The following JARID2 variants were observed in gnomAD, a reference collection of about 807,000 sequenced individuals.
The protein encoded by JARID2 is jumonji and AT-rich interaction domain containing 2.
JARID2 carries 21 observed loss-of-function variants against 125.6 expected under a neutral mutation model. The ratio of observed to expected loss-of-function variants is 0.17; its 90% confidence interval spans 0.12 to 0.24. The LOEUF is 0.24. Among genes scored for constraint, JARID2 ranks in the 10% least tolerant of loss-of-function variants. JARID2 has a pLI of 1.00. For synonymous variants in JARID2, 736 were observed against 661.6 expected (o/e 1.11, Z -1.73); for missense variants, 1,303 against 1,639.6 (o/e 0.79, Z 3.55).
At chr6:15,268,278 T>G (rs187761329) in intron 1 of JARID2, among the ~76,000 whole-genome samples, 138 of 152,312 alleles carry the variant, frequency 9.1e-4, no homozygotes, top group Non-Finnish European at 1.5e-3. Flanking sequence ...TTGTCAACAG[T>G]GGATATCTTG....
At chr6:15,381,259 G>A (rs942228642) in intron 2 of JARID2, among the ~76,000 whole-genome samples, 2 of 149,188 alleles carry the variant, frequency 1.3e-5, no homozygotes, top group African/African-American at 4.9e-5. Flanking sequence ...GGAGAATGGC[G>A]TGAACCTGGG....
intron 1 of JARID2, among the ~76,000 whole-genome samples, chr6:15,264,827 G>C (rs954838715): frequency 1.3e-5 from 2 of 152,070 alleles, no homozygotes; most frequent in African/African-American, 2.4e-5. Flanking sequence ...TTGCTTATTA[G>C]AGCTAATTTT....
chr6:15,303,473 C>G (rs1435085147), intron 1 of JARID2, among the ~76,000 whole-genome samples: 1 of 152,280 alleles, frequency 6.6e-6, no homozygotes, highest in Admixed American at 6.5e-5. Context: ...CCACTTAACT[C>G]CTGGCCTTCC....
chr6:15,520,225 T>C lies in JARID2; in HGVS notation c.3715T>C (p.Ser1239Pro). Residue 1239 changes from serine (S) to proline (P), a missense_variant, in exon 18 of 18, where the codon TCC becomes CCC. Ser to Pro is a moderately conservative substitution (Grantham distance 74). Around this residue, in one of 11 missense-constraint regions of JARID2, gnomAD observed 75 missense variants for 66.0 expected, o/e 1.14. Coordinates refer to ENST00000341776, the MANE Select transcript of JARID2 (RefSeq NM_004973.4). The part of the protein sequence containing the change: ...PPSRLSASSS[S>P]KSASSSS ...CTCCCGTCTGTCAGCCTCCAGTTCATCCAAAAGTGCTTCGAGCTCATCATG... is the reference window on the plus strand; with the variant it reads ...CTCCCGTCTGTCAGCCTCCAGTTCACCCAAAAGTGCTTCGAGCTCATCATG... 1 of 1,611,182 alleles carries C rather than the reference T, an allele frequency of 6.2e-7. No homozygotes were observed. Among genetic ancestry groups the C allele is most frequent in the South Asian group, 1.1e-5 (1 of 90,516 alleles).
rs1581480091 is a variant in JARID2, at chr6:15,380,926, A to C, written c.181+6674A>C. On this transcript the variant is annotated intron_variant, in intron 2 of 17. Transcript: ENST00000341776. ...AAATGAATGTCTGGGGTATAAAGTGACCTTCCTCTACGAAGGGGAACACCT... is the reference window on the plus strand; with the variant it reads ...AAATGAATGTCTGGGGTATAAAGTGCCCTTCCTCTACGAAGGGGAACACCT... Among the ~76,000 whole-genome samples the C allele has an allele frequency of 3.6e-5, 4 of 112,348 alleles. No homozygotes were observed. The South Asian group carries it at 1.1e-3, about 32-fold the overall frequency. 73.7% of individuals were successfully genotyped at this position (112,348 alleles called of 152,430 possible). A position where few individuals can be genotyped will look rare whatever the true frequency, so the allele number is the denominator to read the frequency against.
At chr6:15,283,076 T>TGA in intron 1 of JARID2, among the ~76,000 whole-genome samples, 1 of 151,968 alleles carries the variant, frequency 6.6e-6, no homozygotes, top group Admixed American at 6.6e-5. Flanking sequence ...CCTCCCGGGT[T>TGA]CTTGCCATTC....
At chr6:15,469,400 CT>C (rs1439287135) in intron 5 of JARID2, among the ~76,000 whole-genome samples, 16 of 92,746 alleles carry the variant, frequency 1.7e-4, no homozygotes, top group Non-Finnish European at 2.2e-4. Flanking sequence ...CCCTTTCCCC[CT>C]CTCCCCCTCT....
rs1289970619 is a variant in JARID2 at position 15,522,024 on chromosome 6, ATTTGTCT to A, written c.*1774_*1780del. The A allele has an allele frequency of 6.6e-6, 1 of 152,130 alleles. No individual in the cohort carries two copies. The highest frequency in any genetic ancestry group is 1.5e-5 in the Non-Finnish European group (1 of 68,036). The allele number at this position is 152,130 out of a possible 1,614,324, so 9.4% of individuals were successfully genotyped here. A position where few individuals can be genotyped will look rare whatever the true frequency, so the allele number is the denominator to read the frequency against. On this transcript the variant is annotated 3_prime_UTR_variant, in exon 18 of 18. Transcript: ENST00000341776. ...ATAATAAAAACAAAGTTTTTTGGAC[ATTTGTCT>A]GTCTTGTGGAAGATGACTGAATGGA...
intron 9 of JARID2, among the ~76,000 whole-genome samples, chr6:15,506,612 A>T (rs1771016839): frequency 6.6e-6 from 1 of 152,198 alleles, no homozygotes; most frequent in Non-Finnish European, 1.5e-5. Context: ...GGCTTGTCTC[A>T]AGGGAGCCTG....
At chr6:15,453,597 T>C (rs1768016978) in intron 4 of JARID2, among the ~76,000 whole-genome samples, 1 of 152,250 alleles carries the variant, frequency 6.6e-6, no homozygotes, top group Non-Finnish European at 1.5e-5. Flanking sequence ...GGATATTCTT[T>C]GAAACTAGTA....
At chr6:15,398,724 C>T (rs1018372122) in intron 2 of JARID2, among the ~76,000 whole-genome samples, 2 of 152,138 alleles carry the variant, frequency 1.3e-5, no homozygotes, top group African/African-American at 4.8e-5. Context: ...CTTTAATTGA[C>T]TAGAATAGGA....
chr6:15,442,813 T>C (rs1304642289), intron 3 of JARID2, among the ~76,000 whole-genome samples: 1 of 152,186 alleles, frequency 6.6e-6, no homozygotes, highest in Non-Finnish European at 1.5e-5. Flanking sequence ...ACAGTCATGA[T>C]TTTCAGGCAG....
At chr6:15,388,640 A>T (rs1764881740) in intron 2 of JARID2, among the ~76,000 whole-genome samples, 1 of 149,654 alleles carries the variant, frequency 6.7e-6, no homozygotes, top group African/African-American at 2.4e-5. Flanking sequence ...ATATATAAAT[A>T]TTTTATAATA....
intron 12 of JARID2, 46 bp from the exon 13 acceptor site, chr6:15,511,250 C>G: frequency 7.5e-7 from 1 of 1,334,970 alleles, no homozygotes; most frequent in Non-Finnish European, 1.1e-6. Context: ...ATGCAGGAGG[C>G]CCTTGTCAAG....
chr6:15,515,174 G>T (rs1771487369), intron 16 of JARID2, among the ~76,000 whole-genome samples: 1 of 151,980 alleles, frequency 6.6e-6, no homozygotes, highest in African/African-American at 2.4e-5. Flanking sequence ...TGAGTAGCTG[G>T]GACAGCAGGT....
intron 17 of JARID2, among the ~76,000 whole-genome samples, chr6:15,517,763 A>G (rs1382125559): frequency 3.3e-5 from 5 of 152,260 alleles, no homozygotes; most frequent in Non-Finnish European, 7.3e-5. Context: ...GAGGGGGGTC[A>G]TAACAACACA....
intron 11 of JARID2, among the ~76,000 whole-genome samples, chr6:15,508,092 G>T (rs17391774): frequency 0.037 from 5,637 of 152,322 alleles, 166 homozygotes; most frequent in Admixed American, 0.07. Context: ...ACCAGGTCAG[G>T]TTCCTGCGGC....
intron 3 of JARID2, among the ~76,000 whole-genome samples, chr6:15,441,914 C>T (rs1028923151): frequency 1.3e-5 from 2 of 152,096 alleles, no homozygotes; most frequent in Admixed American, 1.3e-4. Context: ...GCCTCAGCCT[C>T]CTGAGTATCT....
At chr6:15,369,354 A>G (rs749736362) in intron 1 of JARID2, 8 of 428,698 alleles carry the variant, frequency 1.9e-5, no homozygotes, top group African/African-American at 8.2e-5. Flanking sequence ...TTCCTGACCA[A>G]TTGCTCTTTT....
Sources: allele counts gnomAD v4.1 joint callset (sites outside exome capture counted in the v4.1 genomes callset), GRCh38; gene constraint gnomAD v4.1.1; regional missense constraint gnomAD v4.1.1; transcripts MANE v1.5; gene names NCBI Gene and HGNC (gene_info 2026-07-23, HGNC 2026-07-21).